The following GANAB variants were observed in gnomAD, a reference collection of about 807,000 sequenced individuals.
GANAB encodes the protein glucosidase II alpha subunit.
A neutral mutation model predicts 129.9 loss-of-function variants in GANAB; 35 were observed. That is an observed-to-expected ratio of 0.27 (90% CI 0.21 to 0.36). GANAB has a LOEUF of 0.36. GANAB is among the 10% of genes least tolerant of loss of function. GANAB has a pLI of 1.00. For synonymous variants in GANAB, 482 were observed against 451.8 expected (o/e 1.07, Z -0.85); for missense variants, 939 against 1,221.0 (o/e 0.77, Z 3.44).
In GANAB at chr11:62,632,587, A is replaced by T; in HGVS notation, c.974T>A (p.Ile325Lys). ...WLNAAETWVD[I>K]SSNTAGKTLF... ...CACCTTCCCGGCAGTGTTGGAAGATATATCAACCCAGGTCTCTGCAGCATT... is the reference window on the plus strand; with the variant it reads ...CACCTTCCCGGCAGTGTTGGAAGATTTATCAACCCAGGTCTCTGCAGCATT... Residue 325 changes from isoleucine to lysine, a missense_variant, in exon 9 of 24, where the codon ATA becomes AAA. This residue lies in a region of GANAB where 220 missense variants were observed against 295.9 expected (regional missense o/e 0.74). Transcript: ENST00000356638. 1 of 1,613,954 alleles carries T rather than the reference A, an allele frequency of 6.2e-7. No individual in the cohort carries two copies. The highest frequency in any genetic ancestry group is 8.5e-7 in the Non-Finnish European group (1 of 1,179,912).
intron 13 of GANAB, 64 bp downstream of exon 13, chr11:62,630,133 G>T: frequency 7.1e-7 from 1 of 1,405,292 alleles, no homozygotes; most frequent in East Asian, 2.3e-5. Context: ...TTGGCAAGCC[G>T]AGAGAGATTC....
chr11:62,646,572 GCGCCGCCACTGCCGCTAC>G lies in GANAB; in HGVS notation c.10_27del (p.Val4_Ala9del). ...TTCCGGGCTCCTCACCGCCTCCTAC[GCGCCGCCACTGCCGCTAC>G]CGCCGCCATCTTGTGCAGAGTTTGC... On this transcript the variant is annotated inframe_deletion, in exon 1 of 24. Transcript: ENST00000356638. 3 of 1,613,712 alleles carry G rather than the reference GCGCCGCCACTGCCGCTAC, an allele frequency of 1.9e-6. No homozygotes were observed. Among genetic ancestry groups the G allele is most frequent in the Non-Finnish European group, 2.5e-6 (3 of 1,179,932 alleles).
intron 1 of GANAB, among the ~76,000 whole-genome samples, chr11:62,646,227 G>A (rs1370037708): frequency 6.6e-6 from 1 of 152,210 alleles, no homozygotes; most frequent in Non-Finnish European, 1.5e-5. Flanking sequence ...CCGCCCCGAC[G>A]ACCCCGCGCA....
At chr11:62,631,226 C>A in intron 9 of GANAB, 43 bp from the exon 10 acceptor site, 1 of 1,498,234 alleles carries the variant, frequency 6.7e-7, no homozygotes, top group Non-Finnish European at 9.0e-7. Context: ...TCCTGCCCTC[C>A]CATTTTCCAA....
chr11:62,627,785 T>C (rs958235075), intron 17 of GANAB, among the ~76,000 whole-genome samples: 1 of 152,166 alleles, frequency 6.6e-6, no homozygotes, highest in Non-Finnish European at 1.5e-5. Context: ...ACCCAGGAGT[T>C]TGCAGTCAGA....
At chr11:62,633,744 C>G in intron 5 of GANAB, 1 of 583,738 alleles carries the variant, frequency 1.7e-6, no homozygotes. Flanking sequence ...CCAGGAGGCA[C>G]AGGCCTGAAC....
At chr11:62,638,313 C>T (rs1296299742) in intron 4 of GANAB, among the ~76,000 whole-genome samples, 1 of 152,116 alleles carries the variant, frequency 6.6e-6, no homozygotes, top group African/African-American at 2.4e-5. Context: ...ACCACCACAC[C>T]TGGCTGATTT....
rs1943790334 is a variant in GANAB, at chr11:62,633,490, C to T, written c.585G>A (p.Glu195=). The change falls in exon 6 of 24, where the codon GAG becomes GAA. Residue 195 remains glutamate, a synonymous_variant. Transcript: ENST00000356638. ...TTTCCTCAGGCTGGGCCCCATCGCC[C>T]TCAGCTGGGTCTTTTGATCCTTGCC... ...RVSQGSKDPA[E]GDGAQPEETP... is the part of the protein sequence containing the mutation. The T allele has an allele frequency of 6.2e-7, 1 of 1,614,106 alleles. No homozygotes were observed. Among genetic ancestry groups the T allele is most frequent in the Non-Finnish European group, 8.5e-7 (1 of 1,180,030 alleles).
chr11:62,630,292 G>T lies in GANAB; in HGVS notation c.1514-16C>A, dbSNP rs772375391. ...CCAGCTGAGCCTGGGAGAAGTTAAG[G>T]GTGGCTCTCAATCCCCTAAGGGGCA... is the stretch of plus-strand genomic sequence containing the variant. On this transcript the variant is annotated splice_polypyrimidine_tract_variant and intron_variant, in intron 12 of 23. Coordinates refer to ENST00000356638, the MANE Select transcript of GANAB (RefSeq NM_198334.3). The T allele has an allele frequency of 1.9e-6, 3 of 1,612,876 alleles. No individual in the cohort carries two copies. The highest frequency in any genetic ancestry group is 2.5e-6 in the Non-Finnish European group (3 of 1,179,220).
At chr11:62,643,360 G>T (rs757924862) in intron 1 of GANAB, among the ~76,000 whole-genome samples, 1 of 151,954 alleles carries the variant, frequency 6.6e-6, no homozygotes, top group African/African-American at 2.4e-5. Context: ...AAATTAGGCC[G>T]GGCGTGGTGG....
At chr11:62,645,587 T>C (rs924883070) in intron 1 of GANAB, among the ~76,000 whole-genome samples, 4 of 151,126 alleles carry the variant, frequency 2.6e-5, no homozygotes, top group Admixed American at 2.0e-4. Flanking sequence ...TCTGGGGCCC[T>C]ATTTGCACAG....
intron 13 of GANAB, 45 bp downstream of exon 13, chr11:62,630,152 A>G (rs1304468739): frequency 1.4e-6 from 2 of 1,450,646 alleles, no homozygotes; most frequent in Admixed American, 3.5e-5. Context: ...TCAGGGAGGC[A>G]GGTGGAACAG....
intron 1 of GANAB, among the ~76,000 whole-genome samples, chr11:62,641,341 G>GAA (rs10629748): frequency 0.69 from 76,055 of 109,508 alleles, 25,803 homozygotes; most frequent in East Asian, 0.89. Context: ...AAAACTCTCA[G>GAA]AAAAAAAAAA....
At chr11:62,632,491 G>C (rs548485391) in intron 9 of GANAB, 74 bp downstream of exon 9, 1 of 1,147,584 alleles carries the variant, frequency 8.7e-7, no homozygotes, top group African/African-American at 1.5e-5. Flanking sequence ...AATAGCTAAT[G>C]CCCCTAGTAT....
rs1291394056 is a variant in GANAB, at chr11:62,631,149, C to T, written c.1031G>A (p.Gly344Asp). Residue 344 changes from glycine to aspartate, a missense_variant, in exon 10 of 24, where the codon GGC (glycine) becomes GAC (aspartate). By Grantham distance (94) the Gly-to-Asp change is moderately conservative (BLOSUM62 -1). Around this residue, in one of 5 missense-constraint regions of GANAB, gnomAD observed 220 missense variants for 295.9 expected, o/e 0.74. Coordinates refer to ENST00000356638, the MANE Select transcript of GANAB (RefSeq NM_198334.3). Reference protein sequence around the residue: ...LFGKMMDYLQGSGETPQTDVR... With the variant: ...LFGKMMDYLQDSGETPQTDVR... ...ATCTGTCTGTGGGGTCTCCCCAGAG[C>T]CCTGCAGGTAGTCCATCATCTTCCC... 1 of 1,599,722 alleles carries T rather than the reference C, an allele frequency of 6.3e-7. No homozygotes were observed. The highest frequency in any genetic ancestry group is 8.6e-7 in the Non-Finnish European group (1 of 1,167,994).
chr11:62,636,136 G>A (rs1435873418), intron 4 of GANAB, among the ~76,000 whole-genome samples: 2 of 151,762 alleles, frequency 1.3e-5, no homozygotes, highest in East Asian at 3.9e-4. Context: ...AATTACAGGC[G>A]CCCACCACCA....
chr11:62,632,968 C>T lies in GANAB; in HGVS notation c.815+37G>A, dbSNP rs373041024. On this transcript the variant is annotated intron_variant, in intron 8 of 23. Transcript: ENST00000356638. ...TCCCTAAAGGCCTGACTCCTTCCTG[C>T]CCACCTCCATCTTCCTGATGTCACC... The T allele has an allele frequency of 1.2e-5, 15 of 1,288,450 alleles. No individual in the cohort carries two copies. In the Admixed American group the frequency reaches 1.3e-4, roughly 12 times the overall value. 79.8% of individuals were successfully genotyped at this position (1,288,450 alleles called of 1,614,324 possible).
In GANAB at chr11:62,633,136, C is replaced by A. The variant is rs560354418; in HGVS notation, c.719-35G>T. The A allele has an allele frequency of 2.8e-5, 45 of 1,601,494 alleles. No individual in the cohort carries two copies. In the South Asian group the frequency reaches 4.3e-4, roughly 15 times the overall value. ...AAACAAACAAGCTTCAGAGCTTCTG[C>A]TTGGAAAGGAGCCCTGCACCCCAGC... is the stretch of plus-strand genomic sequence containing the variant. On this transcript the variant is annotated intron_variant, in intron 7 of 23. Coordinates refer to ENST00000356638, the MANE Select transcript of GANAB (RefSeq NM_198334.3).
In GANAB at chr11:62,639,612, C is replaced by G; in HGVS notation, c.143+15G>C. On this transcript the variant is annotated intron_variant, in intron 2 of 23. Transcript: ENST00000356638. ...CAACCCTACATTCCATCCCTCTCCCCCAGAAATATCATACTTGCAGAAAGA... is the reference window on the plus strand; with the variant it reads ...CAACCCTACATTCCATCCCTCTCCCGCAGAAATATCATACTTGCAGAAAGA... The G allele has an allele frequency of 6.3e-7, 1 of 1,578,726 alleles. No individual in the cohort carries two copies. Among genetic ancestry groups the G allele is most frequent in the Non-Finnish European group, 8.7e-7 (1 of 1,147,834 alleles).
Sources: gnomAD v4.1 joint callset for allele counts (sites outside exome capture counted in the v4.1 genomes callset) on GRCh38, gnomAD v4.1.1 for gene constraint, gnomAD v4.1.1 regional missense constraint, MANE v1.5 for transcripts, NCBI Gene and HGNC (gene_info 2026-07-23, HGNC 2026-07-21) for gene names.